SLIT1: variants seen among roughly 807,000 people sequenced by gnomAD.
SLIT1 encodes the protein slit guidance ligand 1, also known as slit homolog 1 protein.
Under a neutral mutation model 186.1 loss-of-function variants are expected in SLIT1, and 66 were observed. That is an observed-to-expected ratio of 0.35 (90% CI 0.29 to 0.44). The LOEUF (loss-of-function observed/expected upper bound fraction) is 0.44. Ranked by LOEUF, SLIT1 falls within the 20% of genes least tolerant of loss-of-function variation. The probability of loss-of-function intolerance (pLI) is 1.00; values close to 1 mark genes in which losing one functional copy is unlikely to be tolerated. For synonymous variants in SLIT1, 761 were observed against 833.8 expected (o/e 0.91, Z 1.50); for missense variants, 1,638 against 2,037.4 (o/e 0.80, Z 3.77).
chr10:97,055,125 G>A (rs1206780320), intron 13 of SLIT1, among the ~76,000 whole-genome samples: 1 of 152,154 alleles, frequency 6.6e-6, no homozygotes, highest in Non-Finnish European at 1.5e-5. Context: ...GCTGAGGCAG[G>A]AGAATCACTT....
At chr10:97,096,389 C>A (rs1259433197) in intron 4 of SLIT1, among the ~76,000 whole-genome samples, 11 of 152,122 alleles carry the variant, frequency 7.2e-5, no homozygotes, top group African/African-American at 2.7e-4. Context: ...GCCCCCCCGC[C>A]AGCGCCCTGT....
At chr10:97,167,966 A>G (rs1436113928) in intron 1 of SLIT1, among the ~76,000 whole-genome samples, 1 of 152,146 alleles carries the variant, frequency 6.6e-6, no homozygotes, top group Non-Finnish European at 1.5e-5. Context: ...TCTTTCCTTT[A>G]TGAATTACCC....
At chr10:97,060,606 C>T (rs1399759019) in intron 9 of SLIT1, 34 bp downstream of exon 9, 33 of 1,610,876 alleles carry the variant, frequency 2.0e-5, no homozygotes, top group Non-Finnish European at 2.5e-5. Flanking sequence ...TGCCAAAGGG[C>T]TGTGCCCCAG....
Position 97,023,465 on chromosome 10 carries a change from A to G in SLIT1, c.2583-2052T>C, listed in dbSNP as rs1256712285. Among the ~76,000 whole-genome samples the G allele has an allele frequency of 3.9e-5, 6 of 152,054 alleles. 1 individual carries two copies. The East Asian group carries it at 1.2e-3, about 29-fold the overall frequency. ...GTAATATGCTAATAGCCCGCCCCCA[A>G]CTGCAAAGGTTGTATCCACTTACAC... On this transcript the variant is annotated intron_variant, in intron 25 of 36. Transcript: ENST00000266058.
chr10:97,003,339 G>A (rs559075801), intron 34 of SLIT1, among the ~76,000 whole-genome samples: 10 of 152,378 alleles, frequency 6.6e-5, no homozygotes, highest in East Asian at 1.9e-4. Context: ...GACCCCAGCC[G>A]TAGCAAAGGG....
At chr10:97,095,544 T>C (rs1433835685) in intron 4 of SLIT1, among the ~76,000 whole-genome samples, 1 of 152,188 alleles carries the variant, frequency 6.6e-6, no homozygotes, top group African/African-American at 2.4e-5. Flanking sequence ...GGGATAGGAC[T>C]GAATCCCGTG....
Position 97,060,800 on chromosome 10 carries a change from G to C in SLIT1, c.794-13C>G, listed in dbSNP as rs1349208608. On this transcript the variant is annotated splice_polypyrimidine_tract_variant and intron_variant, in intron 8 of 36. Coordinates refer to ENST00000266058, the MANE Select transcript of SLIT1 (RefSeq NM_003061.3). ...GCTTCTCCCTGGCCTGCAGAAACAG[G>C]GGGGTGTGGCCTCAGGCTGTCATGC... 2 of 1,578,874 alleles carry C rather than the reference G, an allele frequency of 1.3e-6. No individual in the cohort carries two copies. Among genetic ancestry groups the C allele is most frequent in the Admixed American group, 1.8e-5 (1 of 56,294 alleles).
intron 25 of SLIT1, among the ~76,000 whole-genome samples, chr10:97,028,936 C>T (rs1035774049): frequency 6.6e-6 from 1 of 152,208 alleles, no homozygotes; most frequent in Non-Finnish European, 1.5e-5. Flanking sequence ...CCCCTTACCC[C>T]TCCCACTTCC....
At chr10:97,046,538 A>G in intron 18 of SLIT1, 116 bp downstream of exon 18, 3 of 1,044,842 alleles carry the variant, frequency 2.9e-6, no homozygotes. Context: ...AGTTCTCCCC[A>G]CCCTCCTGCA....
At chr10:97,130,929 C>T (rs915065195) in intron 4 of SLIT1, among the ~76,000 whole-genome samples, 2 of 152,150 alleles carry the variant, frequency 1.3e-5, no homozygotes, top group Admixed American at 6.5e-5. Flanking sequence ...AGGGAACATG[C>T]TCTGTGATCT....
chr10:97,060,895 G>A (rs761662797), intron 8 of SLIT1, 108 bp from the exon 9 acceptor site: 18 of 1,222,428 alleles, frequency 1.5e-5, no homozygotes, highest in African/African-American at 1.2e-4. Context: ...AGTTTCTCTC[G>A]ATAAGGATGA....
intron 4 of SLIT1, among the ~76,000 whole-genome samples, chr10:97,071,733 C>A (rs1037569895): frequency 9.9e-5 from 15 of 152,142 alleles, no homozygotes; most frequent in African/African-American, 3.1e-4. Flanking sequence ...ACAGCGCCCA[C>A]GGGACACGTA....
chr10:97,173,226 A>G (rs1191849092), intron 1 of SLIT1, among the ~76,000 whole-genome samples: 1 of 152,258 alleles, frequency 6.6e-6, no homozygotes, highest in African/African-American at 2.4e-5. Context: ...GGCCGGTCTC[A>G]GGCTTCAGGA....
chr10:97,012,906 C>A (rs1343636385), intron 30 of SLIT1, among the ~76,000 whole-genome samples: 1 of 152,140 alleles, frequency 6.6e-6, no homozygotes, highest in Non-Finnish European at 1.5e-5. Context: ...ATGGGGAGGT[C>A]CCAGAAATGA....
In SLIT1 at chr10:97,064,186, A is replaced by G. The variant is rs1391566523; in HGVS notation, c.611T>C (p.Met204Thr). ...TTIPVSSFNH[M>T]PKLRTFRLHS... ...GACTCACAAGGTCCGTAGCTTGGGC[A>G]TATGGTTGAAGCTGGACACGGGGAT... is the stretch of plus-strand genomic sequence containing the variant. The change falls in exon 7 of 37, where the codon ATG becomes ACG. Residue 204 changes from methionine to threonine, a missense_variant. By Grantham distance (81) the Met-to-Thr change is moderately conservative. This residue lies in a region of SLIT1 where 1,245 missense variants were observed against 1,535.3 expected (regional missense o/e 0.81). Coordinates refer to ENST00000266058, the MANE Select transcript of SLIT1 (RefSeq NM_003061.3). 4 of 1,613,456 alleles carry G rather than the reference A, an allele frequency of 2.5e-6. No individual in the cohort carries two copies. Among genetic ancestry groups the G allele is most frequent in the Non-Finnish European group, 1.7e-6 (2 of 1,179,840 alleles).
chr10:97,164,220 C>G (rs1190449211), intron 2 of SLIT1, among the ~76,000 whole-genome samples: 2 of 152,254 alleles, frequency 1.3e-5, no homozygotes, highest in Non-Finnish European at 2.9e-5. Flanking sequence ...CTGTCCCTCT[C>G]CACCCGCAAG....
chr10:97,090,697 C>A (rs555357919), intron 4 of SLIT1, among the ~76,000 whole-genome samples: 3 of 152,150 alleles, frequency 2.0e-5, no homozygotes, highest in Non-Finnish European at 4.4e-5. Context: ...TGGAAAAGGG[C>A]GGAAGAGGGT....
Position 97,063,443 on chromosome 10 carries a change from G to T in SLIT1, c.793+12C>A, listed in dbSNP as rs777390571. ...CCGGACAGTTGAGAGCCCGGCAGGGGTCTGCACCCACCTGAGCAGCTGAAC... is the reference window on the plus strand; with the variant it reads ...CCGGACAGTTGAGAGCCCGGCAGGGTTCTGCACCCACCTGAGCAGCTGAAC... On this transcript the variant is annotated intron_variant, in intron 8 of 36. Transcript: ENST00000266058. 5.6e-6 allele frequency: 9 copies of T among 1,612,008 alleles called. No homozygotes were observed. The East Asian group carries it at 6.7e-5, about 12-fold the overall frequency.
At chr10:97,034,970 C>G (rs1848625293) in intron 22 of SLIT1, among the ~76,000 whole-genome samples, 1 of 152,192 alleles carries the variant, frequency 6.6e-6, no homozygotes, top group African/African-American at 2.4e-5. Context: ...CCCCATTTGA[C>G]AAAGACCCAG....
Sources: allele counts gnomAD v4.1 joint callset (sites outside exome capture counted in the v4.1 genomes callset), GRCh38; gene constraint gnomAD v4.1.1; regional missense constraint gnomAD v4.1.1; transcripts MANE v1.5; gene names NCBI Gene and HGNC (gene_info 2026-07-23, HGNC 2026-07-21).